The following ANKRD28 variants were observed in gnomAD, a reference collection of about 807,000 sequenced individuals.
ANKRD28 encodes serine/threonine-protein phosphatase 6 regulatory ankyrin repeat subunit A.
In ANKRD28, 44 loss-of-function variants were observed where a neutral mutation model predicts 126.5. The observed-to-expected ratio is 0.35, with a 90% CI of 0.27 to 0.45. The LOEUF (loss-of-function observed/expected upper bound fraction) is 0.45. Among genes scored for constraint, ANKRD28 ranks in the 20% least tolerant of loss-of-function variants. The pLI is 1.00. For missense variants in ANKRD28, 1,110 were observed against 1,316.6 expected, an observed-to-expected ratio of 0.84 and a Z score of 2.43; for synonymous variants, 442 against 468.5, an observed-to-expected ratio of 0.94 and a Z score of 0.73.
chr3:15,718,896 C>T (rs1044916591), intron 8 of ANKRD28, among the ~76,000 whole-genome samples: 4 of 152,080 alleles, frequency 2.6e-5, no homozygotes, highest in African/African-American at 7.2e-5. Flanking sequence ...AACATTACTG[C>T]GCCTTTGAGG....
rs1219231101 is a variant in ANKRD28, at chr3:15,816,414, T to C, written c.28-21108A>G. Among the ~76,000 whole-genome samples, 2 of 152,196 alleles carry C rather than the reference T, an allele frequency of 1.3e-5. No homozygotes were observed. The highest frequency in any genetic ancestry group is 2.1e-4 in the South Asian group (1 of 4,826). ...GTATTTCCTTTTCCCTGATTTGTAATATGGGGTTATTAAGACCAGCTTAAG... is the reference window on the plus strand; with the variant it reads ...GTATTTCCTTTTCCCTGATTTGTAACATGGGGTTATTAAGACCAGCTTAAG... On this transcript the variant is annotated intron_variant, in intron 1 of 27. Coordinates refer to the ANKRD28 transcript ENST00000399451. The surrounding 1 kb of genome is among the most constrained non-coding windows in gnomAD (Gnocchi z 5.0).
chr3:15,807,586 C>A lies in ANKRD28; in HGVS notation c.28-12280G>T, dbSNP rs2060611985. 2.6e-5 allele frequency among the ~76,000 whole-genome samples: 4 copies of A among 152,128 alleles called. No individual in the cohort carries two copies. In the South Asian group the frequency reaches 8.3e-4, roughly 32 times the overall value. On this transcript the variant is annotated intron_variant, in intron 1 of 27. Coordinates refer to the ANKRD28 transcript ENST00000399451. ...TTCCTATTAATCTCATCTTCCTTCT[C>A]TATGAAAAGCAAGGCTAATTACTAG...
At chr3:15,829,033 G>A (rs918764063) in intron 1 of ANKRD28, among the ~76,000 whole-genome samples, 2 of 152,066 alleles carry the variant, frequency 1.3e-5, no homozygotes, top group African/African-American at 4.8e-5. Context: ...ATATTAGAAG[G>A]CTGTTTTTAA....
rs993151969 is a variant in ANKRD28 at position 15,668,866 on chromosome 3, T to C, written c.*1404A>G. On this transcript the variant is annotated 3_prime_UTR_variant, in exon 28 of 28. Coordinates refer to ENST00000683139, the MANE Select transcript of ANKRD28 (RefSeq NM_001349278.2). ...ACAATACAAAAAGGATAAAATGAAA[T>C]TGGGTATCATTTTGTTGCAATTTAT... is the stretch of plus-strand genomic sequence containing the variant. 1.3e-5 allele frequency: 2 copies of C among 152,630 alleles called. No individual in the cohort carries two copies. The highest frequency in any genetic ancestry group is 4.8e-5 in the African/African-American group (2 of 41,452). 9.5% of individuals were successfully genotyped at this position (152,630 alleles called of 1,614,324 possible).
Position 15,859,341 on chromosome 3 carries a change from G to A in ANKRD28, c.27+36C>T, listed in dbSNP as rs1056567819. 4 of 1,520,346 alleles carry A rather than the reference G, an allele frequency of 2.6e-6. No homozygotes were observed. The African/African-American group carries it at 4.3e-5, about 16-fold the overall frequency. 94.2% of individuals were successfully genotyped at this position (1,520,346 alleles called of 1,614,324 possible). On this transcript the variant is annotated intron_variant, in intron 1 of 27. Coordinates refer to the ANKRD28 transcript ENST00000399451. The stretch of plus-strand genomic sequence containing the variant: ...GTCCGCCCTGCTTCCCTTCCTTCCC[G>A]GACGGCGCGATCCCGCCCTGCAGCC...
intron 2 of ANKRD28, among the ~76,000 whole-genome samples, chr3:15,783,547 T>A (rs1470779272): frequency 6.6e-6 from 1 of 151,972 alleles, no homozygotes; most frequent in Non-Finnish European, 1.5e-5. Context: ...CACACATTCA[T>A]GCAAGGACTT....
At chr3:15,701,352 AAAG>A (rs765307492) in intron 14 of ANKRD28, among the ~76,000 whole-genome samples, 25 of 152,322 alleles carry the variant, frequency 1.6e-4, no homozygotes, top group South Asian at 2.1e-4. Context: ...ATAATAAAAA[AAAG>A]AAGATTAAGC....
chr3:15,794,973 C>T (rs2060208689), intron 2 of ANKRD28, among the ~76,000 whole-genome samples: 1 of 152,060 alleles, frequency 6.6e-6, no homozygotes, highest in African/African-American at 2.4e-5. Flanking sequence ...GGGTAGTCAG[C>T]ATGTTTTTTT....
chr3:15,687,284 T>G (rs530808863), intron 18 of ANKRD28, among the ~76,000 whole-genome samples: 120 of 152,236 alleles, frequency 7.9e-4, no homozygotes, highest in African/African-American at 2.8e-3. Context: ...CCCCTTAAGC[T>G]ATTTTCAGTA....
Position 15,838,641 on chromosome 3 carries a change from G to T in ANKRD28, c.27+20736C>A, listed in dbSNP as rs1201557254. Among the ~76,000 whole-genome samples, 1 of 151,948 alleles carries T rather than the reference G, an allele frequency of 6.6e-6. No individual in the cohort carries two copies. The highest frequency in any genetic ancestry group is 1.9e-4 in the East Asian group (1 of 5,180). ...CACATGCCTGTAATCCCAGCTACTT[G>T]GGAGGCTGAGGCAGGAGAACTACTT... is the stretch of plus-strand genomic sequence containing the variant. On this transcript the variant is annotated intron_variant, in intron 1 of 27. Coordinates refer to the ANKRD28 transcript ENST00000399451. The surrounding 1 kb of genome is among the most constrained non-coding windows in gnomAD (Gnocchi z 4.0).
At chr3:15,711,016 A>T (rs757771614) in intron 12 of ANKRD28, among the ~76,000 whole-genome samples, 195 bp downstream of exon 12, 1 of 151,438 alleles carries the variant, frequency 6.6e-6, no homozygotes, top group Non-Finnish European at 1.5e-5. Flanking sequence ...TCTCTCTCTC[A>T]CTCATAACCT....
Position 15,714,625 on chromosome 3 carries a change from G to A in ANKRD28, c.1028C>T (p.Thr343Ile). 3.7e-6 allele frequency: 6 copies of A among 1,600,912 alleles called. No individual in the cohort carries two copies. The highest frequency in any genetic ancestry group is 5.1e-6 in the Non-Finnish European group (6 of 1,175,664). The part of the protein sequence containing the change: ...SKDGKTPLHM[T>I]ALHGRFSRSQ... Reference sequence around the variant, plus strand: ...TCGGGAGAATCTACCGTGGAGAGCAGTCATGTGTAGTGGGGTTTTCCCATC... The same window carrying A: ...TCGGGAGAATCTACCGTGGAGAGCAATCATGTGTAGTGGGGTTTTCCCATC... Residue 343 changes from threonine (T) to isoleucine (I), a missense_variant, in exon 9 of 28, where the codon ACT becomes ATT. Coordinates refer to ENST00000683139, the MANE Select transcript of ANKRD28 (RefSeq NM_001349278.2).
chr3:15,716,056 C>G (rs959993087), intron 8 of ANKRD28, among the ~76,000 whole-genome samples: 1 of 149,626 alleles, frequency 6.7e-6, no homozygotes, highest in Non-Finnish European at 1.5e-5. Flanking sequence ...GATCTCAGCT[C>G]TCAGCAACCT....
At position 15,721,363 on chromosome 3, in the gene ANKRD28, G is replaced by T. The variant is rs73147532; in HGVS notation, c.784-236C>A. Among the ~76,000 whole-genome samples the T allele has an allele frequency of 4.8e-3, 728 of 152,234 alleles. 5 individuals are homozygous for T. Among genetic ancestry groups the T allele is most frequent in the African/African-American group, 0.016 (664 of 41,534 alleles). Reference sequence around the variant, plus strand: ...AGGGAATATAATTCACATACACAATGTCTACTTCATGACAAAACTGAATAA... The same window carrying T: ...AGGGAATATAATTCACATACACAATTTCTACTTCATGACAAAACTGAATAA... On this transcript the variant is annotated intron_variant, in intron 7 of 27. Transcript: ENST00000683139.
rs1276885350 is a variant in ANKRD28, at chr3:15,853,872, A to AT, written c.27+5504dup. Among the ~76,000 whole-genome samples the AT allele has an allele frequency of 6.6e-6, 1 of 152,186 alleles. No homozygotes were observed. Among genetic ancestry groups the AT allele is most frequent in the Non-Finnish European group, 1.5e-5 (1 of 68,016 alleles). ...ATCATACAAATCCAAGACACTCTCA[A>AT]TTGTAGATACAAACAGGTCATTAAT... On this transcript the variant is annotated intron_variant, in intron 1 of 27. Coordinates refer to the ANKRD28 transcript ENST00000399451. This position sits in a 1 kb window ranked among gnomAD's most constrained non-coding sequence, Gnocchi z 4.2.
At chr3:15,768,287 T>A (rs2125575192) in intron 2 of ANKRD28, among the ~76,000 whole-genome samples, 1 of 152,274 alleles carries the variant, frequency 6.6e-6, no homozygotes, top group Admixed American at 6.5e-5. Flanking sequence ...GTTGGGCTAT[T>A]GAGAATTAAA....
intron 6 of ANKRD28, among the ~76,000 whole-genome samples, chr3:15,734,615 C>G (rs1357464672): frequency 6.6e-6 from 1 of 152,150 alleles, no homozygotes; most frequent in Admixed American, 6.5e-5. Context: ...GGCTTCTTAC[C>G]AGAGGCACAA....
rs889266158 is a variant in ANKRD28 at position 15,707,091 on chromosome 3, C to T, written c.1547+833G>A. On this transcript the variant is annotated intron_variant, in intron 14 of 27. Coordinates refer to ENST00000683139, the MANE Select transcript of ANKRD28 (RefSeq NM_001349278.2). Reference sequence around the variant, plus strand: ...AGGGCGAAAAGTAAATGTTAAAAACCGAATAAATAATTCTGTTATATGAAG... The same window carrying T: ...AGGGCGAAAAGTAAATGTTAAAAACTGAATAAATAATTCTGTTATATGAAG... Among the ~76,000 whole-genome samples the T allele has an allele frequency of 4.6e-5, 7 of 151,980 alleles. No individual in the cohort carries two copies. In the South Asian group the frequency reaches 8.3e-4, roughly 18 times the overall value.
At chr3:15,852,764 T>C (rs1425111497) in intron 1 of ANKRD28, among the ~76,000 whole-genome samples, 4 of 127,794 alleles carry the variant, frequency 3.1e-5, no homozygotes, top group Non-Finnish European at 4.6e-5. Flanking sequence ...ACCTGGGAGG[T>C]GGAGCTTGCA....
Sources: allele counts gnomAD v4.1 joint callset (sites outside exome capture counted in the v4.1 genomes callset), GRCh38; gene constraint gnomAD v4.1.1; non-coding constraint Gnocchi (gnomAD v3.1); transcripts MANE v1.5; gene names NCBI Gene and HGNC (gene_info 2026-07-23, HGNC 2026-07-21).